Variants in TJP1 observed in about 807,000 individuals in gnomAD.
The protein encoded by TJP1 is tight junction protein 1.
A neutral mutation model predicts 194.2 loss-of-function variants in TJP1; 43 were observed. The ratio of observed to expected loss-of-function variants is 0.22; its 90% CI spans 0.17 to 0.29. The LOEUF (loss-of-function observed/expected upper bound fraction) is 0.29, where lower values mean the gene tolerates loss of function less well. Ranked by LOEUF, TJP1 falls within the 10% of genes least tolerant of loss-of-function variation. TJP1 has a pLI of 1.00. For synonymous variants in TJP1, 801 were observed against 779.0 expected, an observed-to-expected ratio of 1.03 and a Z score of -0.47; for missense variants, 1,971 against 2,185.7, an observed-to-expected ratio of 0.90 and a Z score of 1.96.
chr15:29,933,114 A>AT (rs889498023), intron 2 of TJP1, among the ~76,000 whole-genome samples: 6 of 152,146 alleles, frequency 3.9e-5, no homozygotes, highest in South Asian at 4.1e-4. Flanking sequence ...AATATTTTGG[A>AT]TTTTTTCTTT....
At chr15:29,768,576 C>T (rs371886698) in intron 4 of TJP1, among the ~76,000 whole-genome samples, 5 of 152,136 alleles carry the variant, frequency 3.3e-5, no homozygotes, top group South Asian at 4.1e-4. Context: ...CCTGAGATGA[C>T]GTGCATTATA....
At chr15:29,761,493 G>A in intron 7 of TJP1, 108 bp downstream of exon 7, 1 of 1,392,244 alleles carries the variant, frequency 7.2e-7, no homozygotes, top group East Asian at 2.4e-5. Context: ...GATTTTGAAG[G>A]TGTTTGGCTG....
chr15:29,963,730 T>C (rs1289088456), intron 1 of TJP1, among the ~76,000 whole-genome samples: 3 of 152,198 alleles, frequency 2.0e-5, no homozygotes, highest in South Asian at 2.1e-4. Context: ...CTCGGCTCAC[T>C]GCAACCTCCA....
At chr15:29,879,352 C>G (rs891584467) in intron 2 of TJP1, among the ~76,000 whole-genome samples, 20 of 152,182 alleles carry the variant, frequency 1.3e-4, no homozygotes, top group Admixed American at 6.5e-5. Context: ...CTCCCCTGAG[C>G]TGGTTTTCAC....
At chr15:29,764,399 T>C (rs2151557875) in intron 5 of TJP1, among the ~76,000 whole-genome samples, 1 of 152,250 alleles carries the variant, frequency 6.6e-6, no homozygotes, top group South Asian at 2.1e-4. Context: ...GTCATAAGTC[T>C]AGTGTAGCTG....
intron 1 of TJP1, among the ~76,000 whole-genome samples, chr15:29,808,367 G>T (rs1455197190): frequency 6.6e-6 from 1 of 152,218 alleles, no homozygotes; most frequent in African/African-American, 2.4e-5. Context: ...GGATGGAGGT[G>T]GGGGAGCTTC....
intron 4 of TJP1, among the ~76,000 whole-genome samples, chr15:29,770,331 G>T (rs569354364): frequency 3.3e-4 from 50 of 152,000 alleles, no homozygotes; most frequent in Non-Finnish European, 6.8e-4. Flanking sequence ...TAATCCCAAG[G>T]CTGAAGCACG....
At chr15:29,867,231 T>C (rs768322247) in intron 2 of TJP1, among the ~76,000 whole-genome samples, 2 of 152,224 alleles carry the variant, frequency 1.3e-5, no homozygotes, top group Non-Finnish European at 2.9e-5. Context: ...GACATGCTGT[T>C]TGTGGCTAAT....
At position 29,718,671 on chromosome 15, in the gene TJP1, G is replaced by A. The variant is rs370701172; in HGVS notation, c.3471C>T (p.His1157=). Residue 1157 remains histidine, a synonymous_variant, in exon 21 of 28, where the codon CAC becomes CAT. Transcript: ENST00000614355. ...CATACCCAGGAGCTGGCTGCTCTTC[G>A]TGCCGCAGGGCGGATGCTCTAGGTG... ...EQAPRASALR[H]EEQPAPGYDT... 4.2e-5 allele frequency: 67 copies of A among 1,614,028 alleles called. No homozygotes were observed. The highest frequency in any genetic ancestry group is 5.6e-5 in the Non-Finnish European group (66 of 1,180,042).
In TJP1 at chr15:29,716,817, A is replaced by C. The variant is rs915346359; in HGVS notation, c.3996T>G (p.Pro1332=). The C allele has an allele frequency of 1.9e-6, 3 of 1,602,046 alleles. No homozygotes were observed. Among genetic ancestry groups the C allele is most frequent in the Non-Finnish European group, 2.6e-6 (3 of 1,170,012 alleles). Residue 1332 remains proline, a synonymous_variant, in exon 23 of 28, where the codon CCT becomes CCG. Transcript: ENST00000614355. ...CAATATCTTCAGGTGGCTTCAGTTGAGGTTTTTGAGGTTCTGGGATCCTAA... is the reference window on the plus strand; with the variant it reads ...CAATATCTTCAGGTGGCTTCAGTTGCGGTTTTTGAGGTTCTGGGATCCTAA... ...TLYRIPEPQK[P]QLKPPEDIVR... is the part of the protein sequence containing the mutation.
rs563440985 is a variant in TJP1, at chr15:29,966,127, T to C, written c.173+2540A>G. ...GCAGAACCCCAATGATGGAAAATAATAAATATAGTTTCCTAACTTTGTGAC... is the reference window on the plus strand; with the variant it reads ...GCAGAACCCCAATGATGGAAAATAACAAATATAGTTTCCTAACTTTGTGAC... On this transcript the variant is annotated intron_variant, in intron 1 of 28. Transcript: ENST00000356107. Among the ~76,000 whole-genome samples the C allele has an allele frequency of 2.2e-4, 34 of 152,326 alleles. No individual in the cohort carries two copies. The East Asian group carries it at 5.8e-3, about 26-fold the overall frequency.
intron 2 of TJP1, among the ~76,000 whole-genome samples, chr15:29,830,637 A>C (rs1026266805): frequency 5.9e-5 from 9 of 151,898 alleles, no homozygotes; most frequent in African/African-American, 2.2e-4. Flanking sequence ...AAATAAAAAA[A>C]GTTAAGATTT....
At chr15:29,916,641 A>C (rs1207778555) in intron 2 of TJP1, among the ~76,000 whole-genome samples, 1 of 152,238 alleles carries the variant, frequency 6.6e-6, no homozygotes, top group South Asian at 2.1e-4. Context: ...AGTTTTGCTC[A>C]AGTTGTATTA....
At chr15:29,773,501 T>C (rs2046822876) in intron 2 of TJP1, 144 bp from the exon 3 acceptor site, 1 of 733,480 alleles carries the variant, frequency 1.4e-6, no homozygotes, top group East Asian at 2.8e-5. Flanking sequence ...CATGGTTACC[T>C]ATTAGAATTA....
intron 2 of TJP1, among the ~76,000 whole-genome samples, chr15:29,862,122 G>C (rs2052103670): frequency 6.6e-6 from 1 of 152,062 alleles, no homozygotes; most frequent in South Asian, 2.1e-4. Context: ...CTGAATCCTA[G>C]TCCAACATCT....
chr15:29,739,155 T>C (rs1482149081), intron 10 of TJP1, among the ~76,000 whole-genome samples: 2 of 152,182 alleles, frequency 1.3e-5, no homozygotes, highest in African/African-American at 4.8e-5. Context: ...GAGCACAGTA[T>C]CCACCCTTTA....
chr15:29,822,466 C>G lies in TJP1; in HGVS notation c.-438G>C, dbSNP rs1289393931. The G allele has an allele frequency of 1.0e-6, 1 of 985,742 alleles. No individual in the cohort carries two copies. The highest frequency in any genetic ancestry group is 5.2e-4 in the Middle Eastern group (1 of 1,938). The allele number at this position is 985,742 out of a possible 1,614,324, so 61.1% of individuals were successfully genotyped here. ...CAGCCGGCGCCGGCAACTCAGCGGC[C>G]ACGCAAACCTGCCGGCCCGGCCCAC... On this transcript the variant is annotated 5_prime_UTR_variant, in exon 1 of 28. Transcript: ENST00000614355.
At chr15:29,846,078 C>G (rs1208755055) in intron 2 of TJP1, among the ~76,000 whole-genome samples, 1 of 152,144 alleles carries the variant, frequency 6.6e-6, no homozygotes, top group Non-Finnish European at 1.5e-5. Context: ...CACTTAACTC[C>G]TATCTTTGCG....
In TJP1 at chr15:29,727,986, C is replaced by T. The variant is rs1217741949; in HGVS notation, c.2051G>A (p.Arg684His). The T allele has an allele frequency of 5.6e-6, 9 of 1,614,074 alleles. No homozygotes were observed. The highest frequency in any genetic ancestry group is 4.5e-5 in the East Asian group (2 of 44,876). The change falls in exon 16 of 28, where the codon CGT becomes CAT. Residue 684 changes from arginine to histidine, a missense_variant. Transcript: ENST00000614355. ...ATGCAGGCGAATAATGCCAGAGCTA[C>T]GTTGGTCAGTTCCAGCGTCTCGTGG... is the stretch of plus-strand genomic sequence containing the variant. ...SEPRDAGTDQ[R>H]SSGIIRLHTI...
Sources: allele counts gnomAD v4.1 joint callset (sites outside exome capture counted in the v4.1 genomes callset), GRCh38; gene constraint gnomAD v4.1.1; transcripts MANE v1.5; gene names NCBI Gene and HGNC (gene_info 2026-07-23, HGNC 2026-07-21).